Variants in PAPPA2 observed in about 807,000 individuals in gnomAD.
The protein encoded by PAPPA2 is pappalysin 2.
A neutral mutation model predicts 176.4 loss-of-function variants in PAPPA2; 86 were observed. The observed-to-expected ratio is 0.49, with a 90% CI of 0.41 to 0.58. The LOEUF (loss-of-function observed/expected upper bound fraction) is 0.58, where lower values mean the gene tolerates loss of function less well. Ranked by LOEUF, PAPPA2 falls within the 20% of genes least tolerant of loss-of-function variation. The pLI is 0.00. For missense variants in PAPPA2, 2,073 were observed against 2,256.9 expected (o/e 0.92, Z 1.65); for synonymous variants, 809 against 852.2 (o/e 0.95, Z 0.88).
intron 17 of PAPPA2, among the ~76,000 whole-genome samples, chr1:176,781,502 A>G (rs549485717): frequency 6.8e-6 from 1 of 148,048 alleles, no homozygotes; most frequent in African/African-American, 2.5e-5. Context: ...GAGACCTGGT[A>G]TTAGAGAGTG....
chr1:176,779,240 C>T (rs556754774), intron 17 of PAPPA2, among the ~76,000 whole-genome samples: 1 of 152,196 alleles, frequency 6.6e-6, no homozygotes, highest in Admixed American at 6.6e-5. Context: ...ACTTCACCCC[C>T]TGCTGCTCTT....
chr1:176,590,307 C>T (rs1299319996), intron 2 of PAPPA2, among the ~76,000 whole-genome samples: 2 of 152,188 alleles, frequency 1.3e-5, no homozygotes. Context: ...GTACCCATCT[C>T]TTCCCAAACC....
At chr1:176,549,926 G>A (rs973581301) in intron 1 of PAPPA2, among the ~76,000 whole-genome samples, 1 of 152,202 alleles carries the variant, frequency 6.6e-6, no homozygotes, top group Non-Finnish European at 1.5e-5. Flanking sequence ...AATGCATACA[G>A]TCATGCATCA....
chr1:176,555,458 G>C lies in PAPPA2; in HGVS notation c.-865G>C, dbSNP rs545247181. 6.6e-6 allele frequency: 1 copy of C among 152,174 alleles called. No individual in the cohort carries two copies. Among genetic ancestry groups the C allele is most frequent in the Non-Finnish European group, 1.5e-5 (1 of 68,068 alleles). 9.4% of individuals were successfully genotyped at this position (152,174 alleles called of 1,614,324 possible). A position where few individuals can be genotyped will look rare whatever the true frequency, so the allele number is the denominator to read the frequency against. On this transcript the variant is annotated 5_prime_UTR_variant, in exon 2 of 23. Coordinates refer to ENST00000367662, the MANE Select transcript of PAPPA2 (RefSeq NM_020318.3). ...AGTTAAGAGCTCCCAGACTCATAAG[G>C]TTATTAGAACAGCAAACTGGCACCC...
At chr1:176,804,156 T>C (rs569749797) in intron 21 of PAPPA2, among the ~76,000 whole-genome samples, 20 of 152,352 alleles carry the variant, frequency 1.3e-4, no homozygotes, top group African/African-American at 4.8e-4. Flanking sequence ...TACATAATTG[T>C]GCATTATAAA....
intron 1 of PAPPA2, among the ~76,000 whole-genome samples, chr1:176,490,083 G>C (rs1214249218): frequency 1.3e-5 from 2 of 151,652 alleles, no homozygotes; most frequent in African/African-American, 4.8e-5. Flanking sequence ...CTTGGGCCAT[G>C]TTACTTTTAG....
intron 1 of PAPPA2, among the ~76,000 whole-genome samples, chr1:176,511,594 A>G (rs184798320): frequency 4.7e-4 from 71 of 152,348 alleles, no homozygotes; most frequent in South Asian, 3.3e-3. Context: ...TCTGTGAAAC[A>G]TCTGTGAAGA....
At chr1:176,813,595 G>A (rs1215849122) in intron 21 of PAPPA2, among the ~76,000 whole-genome samples, 1 of 152,142 alleles carries the variant, frequency 6.6e-6, no homozygotes, top group Non-Finnish European at 1.5e-5. Context: ...CTTCTTTTGA[G>A]AAGTGTCTCT....
chr1:176,752,342 T>TAAAAAAAAAAAA (rs58591760), intron 14 of PAPPA2, among the ~76,000 whole-genome samples: 1 of 96,486 alleles, frequency 1.0e-5, no homozygotes, highest in African/African-American at 3.6e-5. Context: ...TAGAGTATAA[T>TAAAAAAAAAAAA]AAAAAAAAAA....
chr1:176,734,357 A>G (rs1454989711), intron 12 of PAPPA2, among the ~76,000 whole-genome samples: 2 of 151,360 alleles, frequency 1.3e-5, no homozygotes, highest in Non-Finnish European at 2.9e-5. Flanking sequence ...TTCCCCCTTC[A>G]TTTCAAAAAA....
chr1:176,621,419 T>A (rs1288222766), intron 3 of PAPPA2, among the ~76,000 whole-genome samples: 2 of 152,128 alleles, frequency 1.3e-5, no homozygotes, highest in Non-Finnish European at 2.9e-5. Flanking sequence ...AAGCTGTTGT[T>A]CTCACCATCA....
chr1:176,465,358 G>C (rs765848605), intron 1 of PAPPA2, among the ~76,000 whole-genome samples: 6 of 152,214 alleles, frequency 3.9e-5, no homozygotes, highest in Non-Finnish European at 7.3e-5. Context: ...ACTCTCACCA[G>C]TAGTGAATGG....
chr1:176,656,097 T>C (rs955715228), intron 3 of PAPPA2, among the ~76,000 whole-genome samples: 1 of 151,920 alleles, frequency 6.6e-6, no homozygotes, highest in Non-Finnish European at 1.5e-5. Flanking sequence ...GAACTTTCTC[T>C]CTCTTTGCTG....
At chr1:176,612,460 A>G (rs1325769667) in intron 3 of PAPPA2, among the ~76,000 whole-genome samples, 2 of 152,166 alleles carry the variant, frequency 1.3e-5, no homozygotes, top group Non-Finnish European at 2.9e-5. Context: ...TGGCAAATTC[A>G]GTATACAAAG....
At chr1:176,604,194 T>C (rs1229647832) in intron 3 of PAPPA2, among the ~76,000 whole-genome samples, 3 of 152,238 alleles carry the variant, frequency 2.0e-5, no homozygotes, top group African/African-American at 7.2e-5. Context: ...CCTGGAGACC[T>C]CACGTAAAAT....
Position 176,690,190 on chromosome 1 carries a change from A to G in PAPPA2, c.2191A>G (p.Met731Val). ...TGGGATGCCTGGCCACACCGACACCATGATCCATGAAGTGGGACATGTTCT... is the reference window on the plus strand; with the variant it reads ...TGGGATGCCTGGCCACACCGACACCGTGATCCATGAAGTGGGACATGTTCT... ...YYGMPGHTDT[M>V]IHEVGHVLGL... Residue 731 changes from methionine to valine, a missense_variant, in exon 5 of 23, where the codon ATG (methionine) becomes GTG (valine). Met to Val is a conservative substitution (Grantham distance 21, BLOSUM62 1). Transcript: ENST00000367662. The G allele has an allele frequency of 6.2e-7, 1 of 1,614,136 alleles. No homozygotes were observed. Among genetic ancestry groups the G allele is most frequent in the Non-Finnish European group, 8.5e-7 (1 of 1,179,972 alleles).
intron 1 of PAPPA2, among the ~76,000 whole-genome samples, chr1:176,554,204 G>A (rs1490237619): frequency 6.6e-6 from 1 of 152,150 alleles, no homozygotes; most frequent in Non-Finnish European, 1.5e-5. Context: ...CTGGGGTAGA[G>A]GAGTTTAGAA....
chr1:176,553,868 T>TTCTC (rs996626557), intron 1 of PAPPA2: 2 of 151,734 alleles, frequency 1.3e-5, no homozygotes, highest in Admixed American at 6.6e-5. Flanking sequence ...CTTTTCTGCT[T>TTCTC]TCTCTCTCTC....
At chr1:176,731,435 G>T (rs7518486) in intron 12 of PAPPA2, among the ~76,000 whole-genome samples, 33,106 of 151,782 alleles carry the variant, frequency 0.22, 4,171 homozygotes, top group African/African-American at 0.34. Flanking sequence ...TAGTAGCTGG[G>T]ATTATAGGTG....
Sources: gnomAD v4.1 joint callset for allele counts (sites outside exome capture counted in the v4.1 genomes callset) on GRCh38, gnomAD v4.1.1 for gene constraint, MANE v1.5 for transcripts, NCBI Gene and HGNC (gene_info 2026-07-23, HGNC 2026-07-21) for gene names.